Variants in SORCS3 observed in about 807,000 individuals in gnomAD.
The protein encoded by SORCS3 is VPS10 domain-containing receptor SorCS3.
SORCS3 carries 57 observed loss-of-function variants against 146.3 expected under a neutral mutation model. That is an observed-to-expected ratio of 0.39 (90% CI 0.31 to 0.49). SORCS3 has a LOEUF of 0.49. Among genes scored for constraint, SORCS3 ranks in the 20% least tolerant of loss-of-function variants. The pLI is 0.92. For missense variants in SORCS3, 1,341 were observed against 1,575.5 expected (o/e 0.85, Z 2.52); for synonymous variants, 653 against 618.5 (o/e 1.06, Z -0.83).
chr10:104,775,109 C>A (rs1280366182), intron 1 of SORCS3, among the ~76,000 whole-genome samples: 1 of 152,136 alleles, frequency 6.6e-6, no homozygotes, highest in African/African-American at 2.4e-5. Flanking sequence ...TGAGTGTTCA[C>A]CCTTGGGATG....
At chr10:105,260,655 G>A in intron 25 of SORCS3, among the ~76,000 whole-genome samples, 1 of 152,164 alleles carries the variant, frequency 6.6e-6, no homozygotes, top group South Asian at 2.1e-4. Context: ...ATTAGCTGCA[G>A]GAAACCCGTA....
chr10:105,241,922 T>C (rs1366884291), intron 20 of SORCS3, among the ~76,000 whole-genome samples: 1 of 152,008 alleles, frequency 6.6e-6, no homozygotes, highest in Non-Finnish European at 1.5e-5. Flanking sequence ...GTAAAGTAGG[T>C]GAAGAATAGG....
intron 2 of SORCS3, among the ~76,000 whole-genome samples, chr10:104,858,445 T>G (rs1272447789): frequency 6.6e-6 from 1 of 152,198 alleles, no homozygotes; most frequent in South Asian, 2.1e-4. Context: ...TATTCATCTG[T>G]TTTGGAGATT....
At chr10:104,775,477 G>A (rs2017298140) in intron 1 of SORCS3, among the ~76,000 whole-genome samples, 2 of 152,208 alleles carry the variant, frequency 1.3e-5, no homozygotes, top group Non-Finnish European at 1.5e-5. Flanking sequence ...ACCCAGTGAT[G>A]ATGATCAGTA....
chr10:105,192,650 C>G (rs1165329457), intron 14 of SORCS3, among the ~76,000 whole-genome samples: 2 of 152,106 alleles, frequency 1.3e-5, no homozygotes, highest in Non-Finnish European at 2.9e-5. Context: ...TGAGTTTGAT[C>G]AAAGATGCAC....
chr10:104,932,797 A>T (rs2019220682), intron 3 of SORCS3, among the ~76,000 whole-genome samples: 1 of 152,178 alleles, frequency 6.6e-6, no homozygotes, highest in African/African-American at 2.4e-5. Context: ...GGTTCAAGCA[A>T]TCCTCCTACC....
intron 3 of SORCS3, among the ~76,000 whole-genome samples, chr10:104,950,542 C>T (rs972399931): frequency 2.6e-5 from 4 of 152,020 alleles, no homozygotes; most frequent in Admixed American, 2.0e-4. Context: ...AGTATGATTG[C>T]GATTATAATT....
intron 25 of SORCS3, among the ~76,000 whole-genome samples, chr10:105,258,306 C>G (rs1173484462): frequency 6.6e-6 from 1 of 152,152 alleles, no homozygotes; most frequent in African/African-American, 2.4e-5. Flanking sequence ...GTGGATAAAA[C>G]CTTTATGTCA....
chr10:104,921,312 G>A (rs2019083995), intron 3 of SORCS3, among the ~76,000 whole-genome samples: 1 of 152,214 alleles, frequency 6.6e-6, no homozygotes, highest in South Asian at 2.1e-4. Flanking sequence ...GAGCTTATTT[G>A]AGAATGAATC....
Position 105,216,925 on chromosome 10 carries a change from C to A in SORCS3, c.2548-11C>A. 2 of 1,613,874 alleles carry A rather than the reference C, an allele frequency of 1.2e-6. No homozygotes were observed. The highest frequency in any genetic ancestry group is 1.7e-6 in the Non-Finnish European group (2 of 1,179,864). On this transcript the variant is annotated splice_polypyrimidine_tract_variant and intron_variant, in intron 18 of 26. Coordinates refer to ENST00000369701, the MANE Select transcript of SORCS3 (RefSeq NM_014978.3). ...CAAGTAAATTGACCCGTCTGCTATGCCATCTTGCAGGGTGATCTACAAAGG... is the reference window on the plus strand; with the variant it reads ...CAAGTAAATTGACCCGTCTGCTATGACATCTTGCAGGGTGATCTACAAAGG...
chr10:104,761,996 G>A (rs1023384178), intron 1 of SORCS3, among the ~76,000 whole-genome samples: 20 of 152,086 alleles, frequency 1.3e-4, no homozygotes, highest in Admixed American at 9.8e-4. Flanking sequence ...CTAAACTTCC[G>A]AAACCAAATT....
intron 2 of SORCS3, among the ~76,000 whole-genome samples, chr10:104,887,959 C>CGGGGGGGGGGG: frequency 2.0e-3 from 13 of 6,580 alleles, no homozygotes; most frequent in Non-Finnish European, 3.3e-3. Flanking sequence ...ATGGTGGGGG[C>CGGGGGGGGGGG]GGGGGGGCGG....
At chr10:104,970,441 C>A (rs907991279) in intron 3 of SORCS3, among the ~76,000 whole-genome samples, 2 of 152,338 alleles carry the variant, frequency 1.3e-5, no homozygotes, top group South Asian at 2.1e-4. Flanking sequence ...GCCAAAAAGC[C>A]TCCTTCTTAC....
chr10:105,154,021 G>C (rs569588265), intron 9 of SORCS3, among the ~76,000 whole-genome samples: 23 of 144,784 alleles, frequency 1.6e-4, no homozygotes, highest in Non-Finnish European at 3.1e-4. Flanking sequence ...AATGAGCTGA[G>C]ATGGTGCCAC....
At chr10:104,856,609 T>C (rs1372639584) in intron 2 of SORCS3, among the ~76,000 whole-genome samples, 13 of 33,014 alleles carry the variant, frequency 3.9e-4, no homozygotes, top group African/African-American at 5.9e-4. Flanking sequence ...TAAATGTATT[T>C]ATATGTATAT....
chr10:104,767,201 C>G (rs2017191046), intron 1 of SORCS3, among the ~76,000 whole-genome samples: 1 of 152,170 alleles, frequency 6.6e-6, no homozygotes, highest in African/African-American at 2.4e-5. Context: ...GATTCTGTGA[C>G]TTGTGCTGAC....
chr10:105,038,500 T>C (rs1396033818), intron 4 of SORCS3, among the ~76,000 whole-genome samples: 2 of 152,174 alleles, frequency 1.3e-5, no homozygotes, highest in East Asian at 3.9e-4. Flanking sequence ...AAAGGTAGTT[T>C]GAGAGATAAA....
chr10:104,646,135 C>G (rs116087129), intron 1 of SORCS3, among the ~76,000 whole-genome samples: 1 of 152,108 alleles, frequency 6.6e-6, no homozygotes, highest in Non-Finnish European at 1.5e-5. Context: ...TCTGAGGGGC[C>G]GTAGGGAGAG....
intron 2 of SORCS3, among the ~76,000 whole-genome samples, chr10:104,857,498 G>A (rs1488941354): frequency 6.6e-6 from 1 of 152,118 alleles, no homozygotes; most frequent in Non-Finnish European, 1.5e-5. Flanking sequence ...ATGCATTTAT[G>A]TATTTGTTTA....
Sources: gnomAD v4.1 joint callset for allele counts (sites outside exome capture counted in the v4.1 genomes callset) on GRCh38, gnomAD v4.1.1 for gene constraint, MANE v1.5 for transcripts, NCBI Gene and HGNC (gene_info 2026-07-23, HGNC 2026-07-21) for gene names.